RNF34: variants seen among roughly 807,000 people sequenced by gnomAD.
The protein encoded by RNF34 is ring finger protein 34, also known as E3 ubiquitin-protein ligase RNF34.
In RNF34, 12 loss-of-function variants were observed where a neutral mutation model predicts 37.9. The ratio of observed to expected loss-of-function variants is 0.32; its 90% CI spans 0.20 to 0.51. The LOEUF is 0.51. Among genes scored for constraint, RNF34 ranks in the 20% least tolerant of loss-of-function variants. The pLI is 0.97. For synonymous variants in RNF34, 155 were observed against 177.2 expected (o/e 0.87, Z 1.00); for missense variants, 362 against 472.7 (o/e 0.77, Z 2.17).
intron 3 of RNF34, 164 bp downstream of exon 3, chr12:121,418,075 A>G (rs1555282606): frequency 8.0e-6 from 6 of 747,680 alleles, no homozygotes; most frequent in Non-Finnish European, 1.1e-5. Context: ...GTCCTGATGT[A>G]TAGTGTCTGC....
At position 121,417,497 on chromosome 12, in the gene RNF34, T is replaced by C. The variant is rs782201451; in HGVS notation, c.226-7T>C. On this transcript the variant is annotated splice_region_variant and splice_polypyrimidine_tract_variant and intron_variant, in intron 2 of 5. Transcript: ENST00000361234. The surrounding 1 kb of genome is among the most constrained non-coding windows in gnomAD (Gnocchi z 5.0). ...CTTGCTGTCATCAAATGCTTTTCTT[T>C]CTTCAGCATGTTTGCTGTGACTGCA... The C allele has an allele frequency of 1.2e-6, 2 of 1,604,026 alleles. No homozygotes were observed. Among genetic ancestry groups the C allele is most frequent in the South Asian group, 1.1e-5 (1 of 90,108 alleles).
In RNF34 at chr12:121,417,114, T is replaced by G. The variant is rs1253561613; in HGVS notation, c.226-390T>G. 2.6e-5 allele frequency among the ~76,000 whole-genome samples: 4 copies of G among 152,366 alleles called. No homozygotes were observed. The highest frequency in any genetic ancestry group is 4.4e-5 in the Non-Finnish European group (3 of 68,036). On this transcript the variant is annotated intron_variant, in intron 2 of 5. Coordinates refer to ENST00000361234, the MANE Select transcript of RNF34 (RefSeq NM_025126.4). The surrounding 1 kb of genome is among the most constrained non-coding windows in gnomAD (Gnocchi z 5.0). ...TTTCTCTTTCCCTGTCAGTCTGTTATGCTTTTTGTCTCCTGCTCTTTAAAT... is the reference window on the plus strand; with the variant it reads ...TTTCTCTTTCCCTGTCAGTCTGTTAGGCTTTTTGTCTCCTGCTCTTTAAAT...
chr12:121,403,893 G>GTAAC (rs782276767), intron 1 of RNF34, among the ~76,000 whole-genome samples: 4 of 150,796 alleles, frequency 2.7e-5, no homozygotes, highest in Non-Finnish European at 4.5e-5. Flanking sequence ...TGACTGTGTA[G>GTAAC]TAACATATTA....
intron 1 of RNF34, chr12:121,402,924 C>T: frequency 2.7e-6 from 2 of 729,138 alleles, no homozygotes; most frequent in Non-Finnish European, 2.5e-6. Flanking sequence ...TGCTTAATGT[C>T]CAAATGGTAT....
chr12:121,402,728 T>G, intron 1 of RNF34: 1 of 1,563,888 alleles, frequency 6.4e-7, no homozygotes. Context: ...TTTTCCTTTT[T>G]TTTTCTCTGA....
intron 1 of RNF34, among the ~76,000 whole-genome samples, chr12:121,406,330 C>T (rs1870532626): frequency 7.9e-6 from 1 of 126,564 alleles, no homozygotes; most frequent in African/African-American, 3.2e-5. Context: ...CTGTGTCGCC[C>T]AGGCTGGAGT....
chr12:121,401,058 G>C (rs1282357400), intron 1 of RNF34, among the ~76,000 whole-genome samples: 3 of 152,042 alleles, frequency 2.0e-5, no homozygotes, highest in Non-Finnish European at 4.4e-5. Context: ...AGATGGTTTC[G>C]TTAATCTCAG....
rs201268373 is a variant in RNF34 at position 121,402,557 on chromosome 12, T to TAA, written c.6+2349_6+2350dup. 7.4e-4 allele frequency among the ~76,000 whole-genome samples: 110 copies of TAA among 149,076 alleles called. No homozygotes were observed. The South Asian group carries it at 0.014, about 19-fold the overall frequency. Reference sequence around the variant, plus strand: ...ATCCAATCAACTTCCTATAAGGGATTAAAAAAAAAAATCCAAATTGGTGCC... The same window carrying TAA: ...ATCCAATCAACTTCCTATAAGGGATTAAAAAAAAAAAAATCCAAATTGGTGCC... On this transcript the variant is annotated intron_variant, in intron 1 of 5. Transcript: ENST00000361234.
chr12:121,400,350 G>T, intron 1 of RNF34, 132 bp downstream of exon 1: 1 of 1,112,428 alleles, frequency 9.0e-7, no homozygotes, highest in South Asian at 1.6e-5. Flanking sequence ...GAGGGGGGTC[G>T]CTTGCCCGGC....
intron 1 of RNF34, chr12:121,405,103 A>G (rs1870398599): frequency 6.6e-6 from 1 of 152,184 alleles, no homozygotes; most frequent in Non-Finnish European, 1.5e-5. Flanking sequence ...ACTCTTACGC[A>G]GATTATTTAG....
At chr12:121,401,425 C>T (rs577819925) in intron 1 of RNF34, among the ~76,000 whole-genome samples, 1 of 146,114 alleles carries the variant, frequency 6.8e-6, no homozygotes, top group Non-Finnish European at 1.5e-5. Context: ...CTACAGAAAG[C>T]AAGGAATATT....
At chr12:121,419,875 G>C (rs1192713548) in intron 3 of RNF34, 1 of 175,048 alleles carries the variant, frequency 5.7e-6, no homozygotes, top group East Asian at 1.4e-4. Context: ...TTTTCTGTCT[G>C]CATCTTACAG....
intron 1 of RNF34, among the ~76,000 whole-genome samples, 169 bp downstream of exon 1, chr12:121,400,387 A>G (rs942755168): frequency 1.4e-4 from 22 of 152,176 alleles, no homozygotes; most frequent in African/African-American, 5.3e-4. Flanking sequence ...GAGCCAGGGC[A>G]GGCTGCCGGA....
chr12:121,409,082 C>T (rs1356528771), intron 1 of RNF34, among the ~76,000 whole-genome samples: 2 of 151,960 alleles, frequency 1.3e-5, no homozygotes, highest in African/African-American at 4.8e-5. Context: ...CAGGTTCAAA[C>T]GATTCTCCTG....
intron 1 of RNF34, chr12:121,402,865 C>A: frequency 7.8e-7 from 1 of 1,275,562 alleles, no homozygotes; most frequent in Non-Finnish European, 1.1e-6. Flanking sequence ...TGGCCAATGT[C>A]TTGTCTAAAA....
Position 121,400,142 on chromosome 12 carries a change from T to C in RNF34, c.-71T>C. 5.8e-6 allele frequency: 9 copies of C among 1,559,768 alleles called. No individual in the cohort carries two copies. The highest frequency in any genetic ancestry group is 7.8e-6 in the Non-Finnish European group (9 of 1,153,960). On this transcript the variant is annotated 5_prime_UTR_variant, in exon 1 of 6. Transcript: ENST00000361234. ...TAATCACCGCCCAGAGGGAAGGAGG[T>C]CGGCAGTGTGAGGAGCTGCTATGGT...
chr12:121,423,505 G>A lies in RNF34; in HGVS notation c.1048G>A (p.Gly350Ser), dbSNP rs1196981863. Residue 350 changes from glycine to serine, a missense_variant, in exon 6 of 6, where the codon GGC becomes AGC. Physicochemically the swap from Gly to Ser is moderately conservative, Grantham distance 56. Coordinates refer to ENST00000361234, the MANE Select transcript of RNF34 (RefSeq NM_025126.4). This position sits in a 1 kb window ranked among gnomAD's most constrained non-coding sequence, Gnocchi z 4.3. ...CGHMVTCTKC[G>S]KRMSECPICR... ...GCACATGGTTACCTGCACCAAGTGC[G>A]GCAAGCGCATGAGTGAGTGTCCCAT... is the stretch of plus-strand genomic sequence containing the variant. 14 of 1,614,060 alleles carry A rather than the reference G, an allele frequency of 8.7e-6. No homozygotes were observed. Among genetic ancestry groups the A allele is most frequent in the South Asian group, 2.2e-5 (2 of 91,078 alleles).
rs533605067 is a variant in RNF34, at chr12:121,406,590, G to T, written c.6+6372G>T. Reference sequence around the variant, plus strand: ...GCGTGAGCCACCGCGCCGGGCTGGTGTTAAGTTTTTAAATACGATACCTGG... The same window carrying T: ...GCGTGAGCCACCGCGCCGGGCTGGTTTTAAGTTTTTAAATACGATACCTGG... On this transcript the variant is annotated intron_variant, in intron 1 of 5. Transcript: ENST00000361234. Among the ~76,000 whole-genome samples the T allele has an allele frequency of 2.0e-5, 3 of 152,308 alleles. No homozygotes were observed. The East Asian group carries it at 5.8e-4, about 29-fold the overall frequency.
chr12:121,409,012 C>A (rs1164833182), intron 1 of RNF34, among the ~76,000 whole-genome samples: 1 of 151,644 alleles, frequency 6.6e-6, no homozygotes, highest in African/African-American at 2.4e-5. Flanking sequence ...TGCTCGGTCA[C>A]CCAGGCTGGA....
Sources: gnomAD v4.1 joint callset for allele counts (sites outside exome capture counted in the v4.1 genomes callset) on GRCh38, gnomAD v4.1.1 for gene constraint, Gnocchi (gnomAD v3.1) non-coding constraint, MANE v1.5 for transcripts, NCBI Gene and HGNC (gene_info 2026-07-23, HGNC 2026-07-21) for gene names.